The following SLC6A6 variants were observed in gnomAD, a reference collection of about 807,000 sequenced individuals.
SLC6A6 encodes solute carrier family 6 member 6.
Under a neutral mutation model 68.8 loss-of-function variants are expected in SLC6A6, and 16 were observed. That is an observed-to-expected ratio of 0.23 (90% CI 0.16 to 0.35). The LOEUF (loss-of-function observed/expected upper bound fraction) is 0.35. Among genes scored for constraint, SLC6A6 ranks in the 10% least tolerant of loss-of-function variants. The pLI is 1.00. For missense variants in SLC6A6, 474 were observed against 802.8 expected, an observed-to-expected ratio of 0.59 and a Z score of 4.95; for synonymous variants, 312 against 315.4, an observed-to-expected ratio of 0.99 and a Z score of 0.12.
At chr3:14,415,339 T>A (rs1699338977) in intron 1 of SLC6A6, among the ~76,000 whole-genome samples, 1 of 152,210 alleles carries the variant, frequency 6.6e-6, no homozygotes. Context: ...CAGGGAGCTC[T>A]GTAGGCTGCC....
At position 14,487,305 on chromosome 3, in the gene SLC6A6, A is replaced by T. The variant is rs1243276287; in HGVS notation, c.*2298A>T. 1 of 152,792 alleles carries T rather than the reference A, an allele frequency of 6.5e-6. No individual in the cohort carries two copies. Among genetic ancestry groups the T allele is most frequent in the Non-Finnish European group, 1.5e-5 (1 of 68,130 alleles). 9.5% of individuals were successfully genotyped at this position (152,792 alleles called of 1,614,324 possible). On this transcript the variant is annotated 3_prime_UTR_variant, in exon 15 of 15. Transcript: ENST00000622186. ...GACCAAGTCCCCAGGCCCCGCCTGG[A>T]AGGAAGTCGTTCCTCAACTCTCCCC...
chr3:14,407,963 T>TTA (rs1553566037), intron 1 of SLC6A6, among the ~76,000 whole-genome samples: 2 of 152,068 alleles, frequency 1.3e-5, no homozygotes, highest in Admixed American at 1.3e-4. Flanking sequence ...TTTTTTTTTT[T>TTA]ATCGCTGAGT....
intron 1 of SLC6A6, among the ~76,000 whole-genome samples, chr3:14,408,789 A>AGTTTT (rs1191284386): frequency 1.3e-5 from 2 of 151,044 alleles, no homozygotes; most frequent in Non-Finnish European, 3.0e-5. Flanking sequence ...AGCTAGCTGT[A>AGTTTT]GTTTTGTTTT....
At chr3:14,405,726 G>C (rs1699093263) in intron 1 of SLC6A6, among the ~76,000 whole-genome samples, 2 of 152,348 alleles carry the variant, frequency 1.3e-5, no homozygotes, top group South Asian at 4.1e-4. Flanking sequence ...AAATGCCTAA[G>C]GAAGCCTTCA....
chr3:14,464,320 C>T (rs1700565566), intron 6 of SLC6A6, among the ~76,000 whole-genome samples: 1 of 152,164 alleles, frequency 6.6e-6, no homozygotes, highest in Admixed American at 6.6e-5. Flanking sequence ...GGTCCCCATT[C>T]TGTTGCTTAA....
In SLC6A6 at chr3:14,440,536, G is replaced by A. The variant is rs929917767; in HGVS notation, c.-11-3088G>A. Among the ~76,000 whole-genome samples the A allele has an allele frequency of 3.9e-5, 6 of 152,210 alleles. 1 individual carries two copies. The highest frequency in any genetic ancestry group is 6.5e-5 in the Admixed American group (1 of 15,298). On this transcript the variant is annotated intron_variant, in intron 2 of 14. Coordinates refer to ENST00000622186, the MANE Select transcript of SLC6A6 (RefSeq NM_003043.6). Reference sequence around the variant, plus strand: ...GAGGAGCCTGTGTTTTCTTCTAGGGGTGAGCAAAGGGTTGGGCGGGGGCAT... The same window carrying A: ...GAGGAGCCTGTGTTTTCTTCTAGGGATGAGCAAAGGGTTGGGCGGGGGCAT...
At chr3:14,403,725 T>C (rs1309807930) in intron 1 of SLC6A6, among the ~76,000 whole-genome samples, 4 of 152,242 alleles carry the variant, frequency 2.6e-5, no homozygotes, top group Non-Finnish European at 5.9e-5. Flanking sequence ...ACTATTTCTC[T>C]TCCTTCTGTG....
chr3:14,481,625 C>A lies in SLC6A6; in HGVS notation c.1552-46C>A, dbSNP rs1345359641. 1.5e-6 allele frequency: 2 copies of A among 1,365,232 alleles called. No homozygotes were observed. The highest frequency in any genetic ancestry group is 1.0e-6 in the Non-Finnish European group (1 of 972,252). 84.6% of individuals were successfully genotyped at this position (1,365,232 alleles called of 1,614,324 possible). On this transcript the variant is annotated intron_variant, in intron 13 of 14. Coordinates refer to ENST00000622186, the MANE Select transcript of SLC6A6 (RefSeq NM_003043.6). This position sits in a 1 kb window ranked among gnomAD's most constrained non-coding sequence, Gnocchi z 4.7. ...TCCTAGTCCCAGAAGCCCCCCACCC[C>A]CCGATGCCCAGGACCCCTCTCCTGA...
At position 14,433,731 on chromosome 3, in the gene SLC6A6, G is replaced by C. The variant is rs144033343; in HGVS notation, c.-11-9893G>C. On this transcript the variant is annotated intron_variant, in intron 2 of 14. Transcript: ENST00000622186. Reference sequence around the variant, plus strand: ...AGAAACGAGAATCTCTTGGACCCAGGTGGCGGAGGTTGCAGAGAGCTGAGA... The same window carrying C: ...AGAAACGAGAATCTCTTGGACCCAGCTGGCGGAGGTTGCAGAGAGCTGAGA... Among the ~76,000 whole-genome samples the C allele has an allele frequency of 1.3e-3, 202 of 150,746 alleles. 1 individual carries two copies. Among genetic ancestry groups the C allele is most frequent in the African/African-American group, 4.7e-3 (193 of 40,824 alleles).
At chr3:14,445,932 G>A (rs1700111446) in intron 4 of SLC6A6, 81 bp downstream of exon 4, 3 of 1,432,440 alleles carry the variant, frequency 2.1e-6, no homozygotes, top group Non-Finnish European at 2.9e-6. Flanking sequence ...TGTCTGCCAG[G>A]TCCATTGGAG....
Position 14,477,124 on chromosome 3 carries a change from C to T in SLC6A6, c.1210-81C>T, listed in dbSNP as rs1700896519. The T allele has an allele frequency of 2.2e-6, 3 of 1,350,520 alleles. No individual in the cohort carries two copies. Among genetic ancestry groups the T allele is most frequent in the East Asian group, 4.6e-5 (2 of 43,256 alleles). 83.7% of individuals were successfully genotyped at this position (1,350,520 alleles called of 1,614,324 possible). On this transcript the variant is annotated intron_variant, in intron 10 of 14. Transcript: ENST00000622186. The surrounding 1 kb of genome is among the most constrained non-coding windows in gnomAD (Gnocchi z 4.2). The stretch of plus-strand genomic sequence containing the variant: ...CACGTCTGCTCCTGCATTGTGTGTT[C>T]CTGGGCCCTTCCCTCCGAGCAGCAG...
intron 1 of SLC6A6, among the ~76,000 whole-genome samples, chr3:14,415,228 A>AC (rs1273148261): frequency 6.6e-6 from 1 of 152,194 alleles, no homozygotes; most frequent in African/African-American, 2.4e-5. Flanking sequence ...TTGTTGACTG[A>AC]CTGTTCCTAC....
chr3:14,444,840 C>T, intron 3 of SLC6A6: 1 of 456,224 alleles, frequency 2.2e-6, no homozygotes, highest in East Asian at 6.9e-5. Context: ...GGTTTATGGA[C>T]CCGCTGAAGC....
intron 1 of SLC6A6, among the ~76,000 whole-genome samples, chr3:14,415,543 G>A (rs1236593200): frequency 6.8e-6 from 1 of 147,950 alleles, no homozygotes; most frequent in Non-Finnish European, 1.5e-5. Context: ...ACAGTTCATT[G>A]AAAATATCTC....
rs1208558679 is a variant in SLC6A6 at position 14,450,606 on chromosome 3, G to A, written c.599+2790G>A. On this transcript the variant is annotated intron_variant, in intron 5 of 14. Coordinates refer to ENST00000622186, the MANE Select transcript of SLC6A6 (RefSeq NM_003043.6). This position sits in a 1 kb window ranked among gnomAD's most constrained non-coding sequence, Gnocchi z 4.1. The stretch of plus-strand genomic sequence containing the variant: ...GCTGCCCTCTTTCTAGAACCCTGGG[G>A]AAGATTGAGGGCCATGGAGCAGGAG... Among the ~76,000 whole-genome samples, 1 of 152,200 alleles carries A rather than the reference G, an allele frequency of 6.6e-6. No individual in the cohort carries two copies. The highest frequency in any genetic ancestry group is 2.4e-5 in the African/African-American group (1 of 41,442).
intron 6 of SLC6A6, among the ~76,000 whole-genome samples, 169 bp downstream of exon 6, chr3:14,458,251 G>T (rs1056585608): frequency 2.0e-5 from 3 of 152,208 alleles, no homozygotes; most frequent in African/African-American, 7.2e-5. Flanking sequence ...TTGTTGTAGC[G>T]TTTGTCCATT....
At chr3:14,453,045 A>T (rs1461143130) in intron 5 of SLC6A6, among the ~76,000 whole-genome samples, 1 of 152,254 alleles carries the variant, frequency 6.6e-6, no homozygotes, top group Non-Finnish European at 1.5e-5. Context: ...GCTGTCGGAA[A>T]GAGGAGGCGG....
At position 14,450,600 on chromosome 3, in the gene SLC6A6, C is replaced by T. The variant is rs1700231990; in HGVS notation, c.599+2784C>T. Among the ~76,000 whole-genome samples, 1 of 152,194 alleles carries T rather than the reference C, an allele frequency of 6.6e-6. No homozygotes were observed. The highest frequency in any genetic ancestry group is 2.4e-5 in the African/African-American group (1 of 41,456). On this transcript the variant is annotated intron_variant, in intron 5 of 14. Transcript: ENST00000622186. This position sits in a 1 kb window ranked among gnomAD's most constrained non-coding sequence, Gnocchi z 4.1. ...AAATAAGCTGCCCTCTTTCTAGAAC[C>T]CTGGGGAAGATTGAGGGCCATGGAG...
intron 2 of SLC6A6, among the ~76,000 whole-genome samples, chr3:14,441,151 G>A (rs6766142): frequency 0.49 from 74,438 of 151,932 alleles, 18,618 homozygotes; most frequent in Admixed American, 0.57. Context: ...CAGGGTAGCC[G>A]CAGTGAAGCA....
Sources: allele counts gnomAD v4.1 joint callset (sites outside exome capture counted in the v4.1 genomes callset), GRCh38; gene constraint gnomAD v4.1.1; non-coding constraint Gnocchi (gnomAD v3.1); transcripts MANE v1.5; gene names NCBI Gene and HGNC (gene_info 2026-07-23, HGNC 2026-07-21).